Variants in UGT1A6 observed in about 807,000 individuals in gnomAD.
UGT1A6 encodes the protein UDP glucuronosyltransferase family 1 member A6, also known as UDP-glucuronosyltransferase 1A6.
In UGT1A6, 32 loss-of-function variants were observed where a neutral mutation model predicts 44.4. The ratio of observed to expected loss-of-function variants is 0.72; its 90% confidence interval spans 0.54 to 0.97. UGT1A6 has a LOEUF of 0.97. Among genes scored for constraint, UGT1A6 ranks in the 50% least tolerant of loss-of-function variants. The pLI is 0.00. For missense variants in UGT1A6, 685 were observed against 661.9 expected (o/e 1.03, Z -0.38); for synonymous variants, 238 against 248.5 (o/e 0.96, Z 0.40).
At chr2:233,721,896 G>T in intron 1 of UGT1A6, 1 of 474,320 alleles carries the variant, frequency 2.1e-6, no homozygotes, top group South Asian at 1.5e-5. Flanking sequence ...TTGCAATATC[G>T]AAATGGTGCA....
chr2:233,706,043 C>T (rs1342276693), intron 1 of UGT1A6, among the ~76,000 whole-genome samples: 1 of 152,002 alleles, frequency 6.6e-6, no homozygotes, highest in East Asian at 1.9e-4. Flanking sequence ...TGCAGTGAGC[C>T]GAGATCACGC....
At chr2:233,744,389 G>GC (rs1692798556) in intron 1 of UGT1A6, among the ~76,000 whole-genome samples, 1 of 151,858 alleles carries the variant, frequency 6.6e-6, no homozygotes, top group African/African-American at 2.4e-5. Flanking sequence ...CAACGTTCCA[G>GC]CCCCGGTGCC....
rs763548038 is a variant in UGT1A6, at chr2:233,772,319, G to T, written c.1359G>T (p.Pro453=). Residue 453 remains proline, a synonymous_variant, in exon 5 of 5, where the codon CCG becomes CCT. Coordinates refer to ENST00000305139, the MANE Select transcript of UGT1A6 (RefSeq NM_001072.4). ...SSLHKDRPVE[P]LDLAVFWVEF... ...TTCACAAGGACCGCCCGGTGGAGCC[G>T]CTGGACCTGGCCGTGTTCTGGGTGG... 6.2e-7 allele frequency: 1 copy of T among 1,614,164 alleles called. No homozygotes were observed. The highest frequency in any genetic ancestry group is 8.5e-7 in the Non-Finnish European group (1 of 1,180,030).
chr2:233,699,892 C>G (rs566030513), intron 1 of UGT1A6, among the ~76,000 whole-genome samples: 2 of 152,106 alleles, frequency 1.3e-5, no homozygotes, highest in African/African-American at 4.8e-5. Flanking sequence ...ATTGGAGAGG[C>G]GAAATAGTCA....
intron 2 of UGT1A6, 64 bp downstream of exon 2, chr2:233,767,229 A>T (rs1699343711): frequency 6.2e-7 from 1 of 1,610,454 alleles, no homozygotes; most frequent in South Asian, 1.1e-5. Context: ...CCAGACTTCC[A>T]GCTTCCAGAT....
chr2:233,750,907 A>G (rs908558459), intron 1 of UGT1A6, among the ~76,000 whole-genome samples: 1 of 151,862 alleles, frequency 6.6e-6, no homozygotes, highest in Non-Finnish European at 1.5e-5. Flanking sequence ...TCTGCTAGAG[A>G]AGGGTGGTAA....
chr2:233,767,172 A>G lies in UGT1A6; in HGVS notation c.993+7A>G, dbSNP rs375883067. On this transcript the variant is annotated splice_region_variant and intron_variant, in intron 2 of 4. Coordinates refer to ENST00000305139, the MANE Select transcript of UGT1A6 (RefSeq NM_001072.4). The stretch of plus-strand genomic sequence containing the variant: ...GGGCAAAATCCCTCAGACAGTAAGA[A>G]GATTCTATACCATGGCCTCATATCT... The G allele has an allele frequency of 1.2e-6, 2 of 1,614,098 alleles. No individual in the cohort carries two copies. The highest frequency in any genetic ancestry group is 3.3e-5 in the Admixed American group (2 of 60,024).
chr2:233,749,787 A>C (rs1694273187), intron 1 of UGT1A6, among the ~76,000 whole-genome samples: 1 of 151,760 alleles, frequency 6.6e-6, no homozygotes, highest in African/African-American at 2.4e-5. Context: ...ATAAGGGGCC[A>C]TTGTCCCTTC....
chr2:233,714,710 CT>C (rs1032824553), intron 1 of UGT1A6, among the ~76,000 whole-genome samples: 9 of 152,108 alleles, frequency 5.9e-5, no homozygotes, highest in African/African-American at 1.4e-4. Context: ...TTTAACGTAG[CT>C]TTTTTTGTTG....
rs748749611 is a variant in UGT1A6, at chr2:233,713,227, C to T, written c.861+19362C>T. 53 of 1,614,134 alleles carry T rather than the reference C, an allele frequency of 3.3e-5. 2 individuals are homozygous for T. Among genetic ancestry groups the T allele is most frequent in the Admixed American group, 2.3e-4 (14 of 60,014 alleles). ...GAAGAGAACTTTTTCACCCTGACAA[C>T]GTATGCCATTTCATGGACCCAGGAC... On this transcript the variant is annotated intron_variant, in intron 1 of 4. Coordinates refer to ENST00000305139, the MANE Select transcript of UGT1A6 (RefSeq NM_001072.4).
In UGT1A6 at chr2:233,693,561, CA is replaced by C; in HGVS notation, c.558del (p.Asp187ThrfsTer17). On this transcript the variant is annotated frameshift_variant, in exon 1 of 5. Coordinates refer to ENST00000305139, the MANE Select transcript of UGT1A6 (RefSeq NM_001072.4). LOFTEE classifies it high-confidence loss of function. ...CTGGAGCATACATTCAGCAGAAGCC[CA>C]GACCCTGTGTCCTACATTCCCAGGT... ...CSLEHTFSRS[P>X]DPVSYIPRCY... 6.2e-7 allele frequency: 1 copy of C among 1,614,208 alleles called. No individual in the cohort carries two copies. Among genetic ancestry groups the C allele is most frequent in the African/African-American group, 1.3e-5 (1 of 75,062 alleles).
intron 1 of UGT1A6, among the ~76,000 whole-genome samples, chr2:233,706,431 G>C (rs1375415239): frequency 6.6e-6 from 1 of 152,262 alleles, no homozygotes; most frequent in African/African-American, 2.4e-5. Context: ...TTCAGCCACA[G>C]ACTTGGTCAA....
chr2:233,704,593 A>G (rs1056281955), intron 1 of UGT1A6, among the ~76,000 whole-genome samples: 3 of 152,182 alleles, frequency 2.0e-5, no homozygotes, highest in Non-Finnish European at 2.9e-5. Context: ...GAGAGAAGAA[A>G]GAAGAGCAAG....
chr2:233,715,759 G>A (rs893076228), intron 1 of UGT1A6, among the ~76,000 whole-genome samples: 9 of 152,150 alleles, frequency 5.9e-5, no homozygotes, highest in South Asian at 2.1e-4. Context: ...GTGACAGAGC[G>A]AGGACCCATC....
intron 1 of UGT1A6, chr2:233,719,459 C>G (rs758684998): frequency 1.9e-6 from 3 of 1,613,896 alleles, no homozygotes. Flanking sequence ...GGGTCAAGAA[C>G]ATGCTCTACC....
chr2:233,766,377 AATGT>A (rs1451884562), intron 1 of UGT1A6, among the ~76,000 whole-genome samples: 1 of 151,914 alleles, frequency 6.6e-6, no homozygotes, highest in Non-Finnish European at 1.5e-5. Context: ...AGTTCTTCTC[AATGT>A]CCAGCTGTCC....
chr2:233,750,287 A>AT (rs1158037876), intron 1 of UGT1A6, among the ~76,000 whole-genome samples: 1 of 151,952 alleles, frequency 6.6e-6, no homozygotes, highest in Non-Finnish European at 1.5e-5. Context: ...GACTGGTGGC[A>AT]TTTTGCCCCT....
intron 1 of UGT1A6, among the ~76,000 whole-genome samples, chr2:233,700,484 T>C (rs1254737462): frequency 6.6e-6 from 1 of 152,090 alleles, no homozygotes; most frequent in Non-Finnish European, 1.5e-5. Context: ...TCAACATGAG[T>C]ACATAAAAGC....
At chr2:233,747,891 C>G (rs562741642) in intron 1 of UGT1A6, 201 of 1,612,980 alleles carry the variant, frequency 1.2e-4, no homozygotes, top group East Asian at 4.9e-4. Context: ...TTGCCATGCT[C>G]TTTCTGCTCC....
Sources: allele counts gnomAD v4.1 joint callset (sites outside exome capture counted in the v4.1 genomes callset), GRCh38; gene constraint gnomAD v4.1.1; transcripts MANE v1.5; gene names NCBI Gene and HGNC (gene_info 2026-07-23, HGNC 2026-07-21).